Variants in PLCB1 observed in about 807,000 individuals in gnomAD.
PLCB1 encodes the protein 1-phosphatidylinositol 4,5-bisphosphate phosphodiesterase beta-1.
A neutral mutation model predicts 161.8 loss-of-function variants in PLCB1; 46 were observed. That is an observed-to-expected ratio of 0.28 (90% confidence interval 0.22 to 0.36). The LOEUF is 0.36. PLCB1 is among the 10% of genes least tolerant of loss of function. The probability of loss-of-function intolerance (pLI) is 1.00; values close to 1 mark genes in which losing one functional copy is unlikely to be tolerated. For synonymous variants in PLCB1, 517 were observed against 503.7 expected (o/e 1.03, Z -0.35); for missense variants, 1,016 against 1,472.5 (o/e 0.69, Z 5.07).
At chr20:8,827,324 G>A (rs988260910) in intron 31 of PLCB1, among the ~76,000 whole-genome samples, 4 of 152,058 alleles carry the variant, frequency 2.6e-5, no homozygotes, top group African/African-American at 9.7e-5. Context: ...CCCTGTGTTC[G>A]CGATGTAATA....
At chr20:8,719,015 T>C (rs1979484645) in intron 14 of PLCB1, among the ~76,000 whole-genome samples, 1 of 152,148 alleles carries the variant, frequency 6.6e-6, no homozygotes, top group African/African-American at 2.4e-5. Context: ...AAGGGTGAAA[T>C]AGATTGCTGT....
chr20:8,242,369 G>T (rs1333106130), intron 2 of PLCB1, among the ~76,000 whole-genome samples: 1 of 151,864 alleles, frequency 6.6e-6, no homozygotes, highest in East Asian at 1.9e-4. Flanking sequence ...CTGGGAGCAG[G>T]TTCTTTTATA....
intron 2 of PLCB1, among the ~76,000 whole-genome samples, chr20:8,170,731 A>C (rs367839807): frequency 6.6e-5 from 10 of 152,312 alleles, no homozygotes; most frequent in African/African-American, 2.4e-4. Context: ...GCCTAGGAAG[A>C]AATAAAAAAG....
At chr20:8,341,286 T>G (rs1281025676) in intron 2 of PLCB1, among the ~76,000 whole-genome samples, 1 of 152,154 alleles carries the variant, frequency 6.6e-6, no homozygotes, top group Non-Finnish European at 1.5e-5. Flanking sequence ...AAAGGAAGAC[T>G]TTGTAGAGAG....
intron 3 of PLCB1, among the ~76,000 whole-genome samples, chr20:8,616,900 T>C (rs530492773): frequency 3.3e-5 from 5 of 152,320 alleles, no homozygotes; most frequent in South Asian, 2.1e-4. Context: ...ATCTGAGATA[T>C]AGAGCCCAGG....
intron 31 of PLCB1, among the ~76,000 whole-genome samples, chr20:8,846,189 G>A (rs1484639287): frequency 6.6e-6 from 1 of 152,168 alleles, no homozygotes; most frequent in African/African-American, 2.4e-5. Flanking sequence ...GCTGGAGCAG[G>A]AAGAAGAGAA....
intron 2 of PLCB1, among the ~76,000 whole-genome samples, chr20:8,226,776 C>T (rs1373873582): frequency 6.6e-6 from 1 of 151,900 alleles, no homozygotes; most frequent in Non-Finnish European, 1.5e-5. Flanking sequence ...CAACCTCCAC[C>T]CTCTGAGTTC....
chr20:8,716,096 A>G (rs1600271584), intron 12 of PLCB1, 168 bp from the exon 13 acceptor site: 1 of 617,238 alleles, frequency 1.6e-6, no homozygotes, highest in East Asian at 2.8e-5. Context: ...TGTGTATGTT[A>G]TTCAAATTCA....
intron 23 of PLCB1, chr20:8,752,322 A>C (rs1600298923): frequency 6.6e-6 from 1 of 152,318 alleles, no homozygotes; most frequent in East Asian, 1.9e-4. Context: ...CTTTTAATAA[A>C]GTTTTTAGTA....
intron 2 of PLCB1, among the ~76,000 whole-genome samples, chr20:8,227,936 C>T (rs1203903262): frequency 6.6e-6 from 1 of 152,112 alleles, no homozygotes; most frequent in Non-Finnish European, 1.5e-5. Flanking sequence ...AATGATCATT[C>T]TAGTTAAATA....
At chr20:8,353,920 A>G (rs1362909710) in intron 2 of PLCB1, among the ~76,000 whole-genome samples, 2 of 152,078 alleles carry the variant, frequency 1.3e-5, no homozygotes, top group Non-Finnish European at 2.9e-5. Flanking sequence ...ATACTAATGT[A>G]AGATATTAAC....
At chr20:8,333,425 G>C (rs947216511) in intron 2 of PLCB1, among the ~76,000 whole-genome samples, 1 of 152,190 alleles carries the variant, frequency 6.6e-6, no homozygotes, top group Non-Finnish European at 1.5e-5. Context: ...GAACTTAGCA[G>C]TGTCTCCTGT....
At position 8,677,696 on chromosome 20, in the gene PLCB1, C is replaced by A. The variant is rs114716904; in HGVS notation, c.863-7236C>A. Among the ~76,000 whole-genome samples the A allele has an allele frequency of 2.4e-3, 359 of 152,172 alleles. 1 individual carries two copies. The highest frequency in any genetic ancestry group is 8.1e-3 in the African/African-American group (337 of 41,528). ...ATCACAAAGTCTTCAAACCTCTTAA[C>A]AGAGCTAAAAGACAGTGGAGCAAAT... On this transcript the variant is annotated intron_variant, in intron 9 of 31. Coordinates refer to ENST00000338037, the MANE Select transcript of PLCB1 (RefSeq NM_015192.4).
intron 2 of PLCB1, among the ~76,000 whole-genome samples, chr20:8,230,077 A>T (rs1016930990): frequency 6.8e-6 from 1 of 146,272 alleles, no homozygotes; most frequent in East Asian, 2.0e-4. Context: ...AAAAAAAAAA[A>T]AAAAAAAGAA....
At chr20:8,617,198 G>A (rs1374538781) in intron 3 of PLCB1, among the ~76,000 whole-genome samples, 2 of 152,160 alleles carry the variant, frequency 1.3e-5, no homozygotes, top group Non-Finnish European at 2.9e-5. Context: ...GCTGAAGCCA[G>A]CTTGTACCAG....
At chr20:8,574,999 T>TCC (rs1986632344) in intron 3 of PLCB1, among the ~76,000 whole-genome samples, 1 of 152,148 alleles carries the variant, frequency 6.6e-6, no homozygotes, top group Admixed American at 6.5e-5. Flanking sequence ...AAAACAAAGC[T>TCC]CCCTCTGTAC....
At chr20:8,637,337 A>AG in intron 4 of PLCB1, among the ~76,000 whole-genome samples, 1 of 152,342 alleles carries the variant, frequency 6.6e-6, no homozygotes, top group East Asian at 1.9e-4. Flanking sequence ...CATTCAACAA[A>AG]TATTTACAGG....
intron 3 of PLCB1, among the ~76,000 whole-genome samples, chr20:8,428,653 A>G (rs771956059): frequency 6.6e-5 from 10 of 152,210 alleles, no homozygotes; most frequent in Non-Finnish European, 1.2e-4. Context: ...CGACGATTTC[A>G]CTGCAAAGGC....
intron 3 of PLCB1, among the ~76,000 whole-genome samples, chr20:8,540,452 A>G (rs983187087): frequency 6.6e-6 from 1 of 152,150 alleles, no homozygotes; most frequent in Non-Finnish European, 1.5e-5. Flanking sequence ...TGCATATTTT[A>G]GAAGACAGAA....
Sources: allele counts gnomAD v4.1 joint callset (sites outside exome capture counted in the v4.1 genomes callset), GRCh38; gene constraint gnomAD v4.1.1; transcripts MANE v1.5; gene names NCBI Gene and HGNC (gene_info 2026-07-23, HGNC 2026-07-21).